The following CADM2 variants were observed in gnomAD, a reference collection of about 807,000 sequenced individuals.
CADM2 encodes cell adhesion molecule 2.
A neutral mutation model predicts 49.8 loss-of-function variants in CADM2; 12 were observed. That is an observed-to-expected ratio of 0.24 (90% CI 0.15 to 0.39). The LOEUF is 0.39. Among genes scored for constraint, CADM2 ranks in the 10% least tolerant of loss-of-function variants. The pLI is 1.00. For synonymous variants in CADM2, 214 were observed against 175.4 expected (o/e 1.22, Z -1.74); for missense variants, 378 against 492.3 (o/e 0.77, Z 2.20).
chr3:86,055,171 T>C (rs1312678726), intron 8 of CADM2, among the ~76,000 whole-genome samples: 1 of 152,222 alleles, frequency 6.6e-6, no homozygotes, highest in Non-Finnish European at 1.5e-5. Context: ...AAGCTCATTG[T>C]TTTATTTGCA....
At chr3:85,930,286 C>T (rs568255421) in intron 6 of CADM2, among the ~76,000 whole-genome samples, 82 of 152,112 alleles carry the variant, frequency 5.4e-4, no homozygotes, top group African/African-American at 1.9e-3. Context: ...GTGCAATATA[C>T]ATTTAAAAAA....
intron 2 of CADM2, among the ~76,000 whole-genome samples, chr3:85,795,780 A>G (rs2071584880): frequency 1.3e-5 from 2 of 152,220 alleles, no homozygotes; most frequent in African/African-American, 4.8e-5. Context: ...GACATCTTAA[A>G]TTTCCAATTT....
At chr3:85,971,321 G>T (rs1016193276) in intron 8 of CADM2, among the ~76,000 whole-genome samples, 2 of 151,504 alleles carry the variant, frequency 1.3e-5, no homozygotes, top group Non-Finnish European at 3.0e-5. Flanking sequence ...ATCCATCACT[G>T]GTTAAAAACT....
At chr3:85,436,212 G>C (rs1159671916) in intron 1 of CADM2, among the ~76,000 whole-genome samples, 2 of 152,012 alleles carry the variant, frequency 1.3e-5, no homozygotes, top group Non-Finnish European at 2.9e-5. Flanking sequence ...CTCATGATTT[G>C]ACTCTCTGTT....
In CADM2 at chr3:85,555,254, C is replaced by T. The variant is rs571603198; in HGVS notation, c.62-171268C>T. On this transcript the variant is annotated intron_variant, in intron 1 of 9. Coordinates refer to ENST00000383699, the MANE Select transcript of CADM2 (RefSeq NM_001167675.2). ...ATGTGTTAACATGGTCTTGGGTAAT[C>T]GCCAGTGTATTTGATGCTTTCCAGC... is the stretch of plus-strand genomic sequence containing the variant. 8.5e-5 allele frequency among the ~76,000 whole-genome samples: 13 copies of T among 152,214 alleles called. 1 individual carries two copies. The East Asian group carries it at 2.3e-3, about 27-fold the overall frequency.
intron 8 of CADM2, among the ~76,000 whole-genome samples, chr3:85,975,888 T>C (rs1179400039): frequency 2.0e-5 from 3 of 151,538 alleles, no homozygotes; most frequent in Non-Finnish European, 3.0e-5. Flanking sequence ...AATTTGACCA[T>C]GTTTTATTTA....
chr3:86,037,524 A>G (rs191132931), intron 8 of CADM2, among the ~76,000 whole-genome samples: 1 of 152,292 alleles, frequency 6.6e-6, no homozygotes, highest in African/African-American at 2.4e-5. Context: ...AAAGTAAGTT[A>G]CCAAAAATAT....
intron 1 of CADM2, among the ~76,000 whole-genome samples, chr3:85,157,924 T>C (rs2040190572): frequency 6.6e-6 from 1 of 151,482 alleles, no homozygotes; most frequent in African/African-American, 2.4e-5. Flanking sequence ...TGGGAGAAAA[T>C]TTTTGCAACC....
chr3:85,011,155 C>T (rs2033975857), intron 1 of CADM2, among the ~76,000 whole-genome samples: 1 of 151,852 alleles, frequency 6.6e-6, no homozygotes, highest in Non-Finnish European at 1.5e-5. Context: ...TGAGCCACCG[C>T]GCCCAGGCTG....
intron 1 of CADM2, among the ~76,000 whole-genome samples, chr3:85,560,154 C>T (rs984596863): frequency 6.6e-6 from 1 of 152,116 alleles, no homozygotes; most frequent in African/African-American, 2.4e-5. Context: ...TTCACTCTTT[C>T]CAGAAAACAT....
intron 1 of CADM2, among the ~76,000 whole-genome samples, chr3:85,288,319 C>A (rs2043687253): frequency 6.6e-6 from 1 of 152,006 alleles, no homozygotes; most frequent in Non-Finnish European, 1.5e-5. Context: ...CTTTGTAGGA[C>A]AATCTGCAAC....
intron 1 of CADM2, among the ~76,000 whole-genome samples, chr3:85,182,956 A>T (rs1487134673): frequency 1.3e-5 from 2 of 152,078 alleles, no homozygotes; most frequent in Non-Finnish European, 2.9e-5. Context: ...TTATGTTTAG[A>T]CTGTATCATT....
intron 1 of CADM2, among the ~76,000 whole-genome samples, chr3:85,462,213 C>A (rs1343099195): frequency 6.6e-6 from 1 of 152,130 alleles, no homozygotes; most frequent in East Asian, 1.9e-4. Flanking sequence ...TGTCAAGCCC[C>A]AGAATATCCC....
At chr3:85,640,730 G>C (rs1333122927) in intron 1 of CADM2, among the ~76,000 whole-genome samples, 1 of 152,154 alleles carries the variant, frequency 6.6e-6, no homozygotes, top group Non-Finnish European at 1.5e-5. Context: ...CAGGTTAAAC[G>C]TCATTCTGTT....
At chr3:85,870,804 T>C (rs1033212732) in intron 3 of CADM2, among the ~76,000 whole-genome samples, 1 of 152,208 alleles carries the variant, frequency 6.6e-6, no homozygotes, top group Admixed American at 6.5e-5. Context: ...GTTCTGTTTT[T>C]AGCTCTTTGA....
chr3:85,400,321 C>A (rs1397641868), intron 1 of CADM2, among the ~76,000 whole-genome samples: 1 of 152,304 alleles, frequency 6.6e-6, no homozygotes, highest in Non-Finnish European at 1.5e-5. Flanking sequence ...GGTGGATAAG[C>A]TCTTTAATGT....
Position 85,188,899 on chromosome 3 carries a change from C to T in CADM2, c.61+229231C>T, listed in dbSNP as rs199622464. Among the ~76,000 whole-genome samples, 56 of 151,690 alleles carry T rather than the reference C, an allele frequency of 3.7e-4. No homozygotes were observed. The East Asian group carries it at 9.6e-3, about 26-fold the overall frequency. On this transcript the variant is annotated intron_variant, in intron 1 of 9. Transcript: ENST00000383699. ...ACAAAAAATTAGCCAGGCGTGGTGG[C>T]GGGCACTTGTAGTCCCAGCTACTCG...
chr3:85,296,749 A>T (rs1224442725), intron 1 of CADM2, among the ~76,000 whole-genome samples: 1 of 152,076 alleles, frequency 6.6e-6, no homozygotes, highest in Non-Finnish European at 1.5e-5. Flanking sequence ...GCTCTTTAAA[A>T]AATTACCACG....
At chr3:85,068,232 A>G (rs1220857307) in intron 1 of CADM2, among the ~76,000 whole-genome samples, 1 of 152,164 alleles carries the variant, frequency 6.6e-6, no homozygotes. Flanking sequence ...CTCTCTAAAC[A>G]AAAGTATGGT....
Sources: gnomAD v4.1 joint callset for allele counts (sites outside exome capture counted in the v4.1 genomes callset) on GRCh38, gnomAD v4.1.1 for gene constraint, MANE v1.5 for transcripts, NCBI Gene and HGNC (gene_info 2026-07-23, HGNC 2026-07-21) for gene names.